GRIA4: variants seen among roughly 807,000 people sequenced by gnomAD.
The protein encoded by GRIA4 is glutamate receptor 4.
A neutral mutation model predicts 104.0 loss-of-function variants in GRIA4; 34 were observed. That is an observed-to-expected ratio of 0.33 (90% CI 0.25 to 0.44). The LOEUF is 0.44. Among genes scored for constraint, GRIA4 ranks in the 20% least tolerant of loss-of-function variants. GRIA4 has a pLI of 1.00. For synonymous variants in GRIA4, 386 were observed against 381.9 expected, an observed-to-expected ratio of 1.01 and a Z score of -0.13; for missense variants, 750 against 1,096.5, an observed-to-expected ratio of 0.68 and a Z score of 4.46.
In GRIA4 at chr11:105,691,663, G is replaced by A. The variant is rs146328976; in HGVS notation, c.248-61318G>A. ...TTAAAAAGTAAAAATGTGGCCAGGC[G>A]CAGTGGTTCACGCCTGTAATCCCAG... is the stretch of plus-strand genomic sequence containing the variant. On this transcript the variant is annotated intron_variant, in intron 3 of 16. Coordinates refer to ENST00000282499, the MANE Select transcript of GRIA4 (RefSeq NM_000829.4). 3.5e-3 allele frequency among the ~76,000 whole-genome samples: 539 copies of A among 152,098 alleles called. 3 individuals carry two copies. The highest frequency in any genetic ancestry group is 0.012 in the African/African-American group (515 of 41,506).
chr11:105,878,437 A>T (rs539029205), intron 5 of GRIA4, among the ~76,000 whole-genome samples: 1 of 152,298 alleles, frequency 6.6e-6, no homozygotes, highest in African/African-American at 2.4e-5. Context: ...GCAGAGCTCA[A>T]GCACTGTGCT....
chr11:105,931,896 C>G (rs889405323), intron 13 of GRIA4, among the ~76,000 whole-genome samples: 1 of 152,034 alleles, frequency 6.6e-6, no homozygotes, highest in Non-Finnish European at 1.5e-5. Context: ...TTTGTCTTTG[C>G]CCAGGTATTC....
At chr11:105,867,468 C>A (rs1175240635) in intron 5 of GRIA4, among the ~76,000 whole-genome samples, 1 of 152,122 alleles carries the variant, frequency 6.6e-6, no homozygotes, top group Non-Finnish European at 1.5e-5. Context: ...CAAATTTTCA[C>A]AACTCTCAAA....
intron 4 of GRIA4, among the ~76,000 whole-genome samples, chr11:105,831,140 G>T (rs1943959257): frequency 6.6e-6 from 1 of 152,048 alleles, no homozygotes; most frequent in Non-Finnish European, 1.5e-5. Flanking sequence ...ACTTGACTGG[G>T]ATAGAATGTC....
intron 3 of GRIA4, among the ~76,000 whole-genome samples, chr11:105,691,211 C>T (rs2135494131): frequency 6.6e-6 from 1 of 152,194 alleles, no homozygotes; most frequent in Non-Finnish European, 1.5e-5. Context: ...AGCCAGGATC[C>T]TGTGGCATAT....
At chr11:105,768,431 C>T (rs1941054174) in intron 4 of GRIA4, among the ~76,000 whole-genome samples, 1 of 151,994 alleles carries the variant, frequency 6.6e-6, no homozygotes, top group African/African-American at 2.4e-5. Flanking sequence ...CATCAAGAAA[C>T]AATCATTTGA....
chr11:105,816,778 G>A (rs746136705), intron 4 of GRIA4, among the ~76,000 whole-genome samples: 9 of 152,042 alleles, frequency 5.9e-5, no homozygotes, highest in South Asian at 2.1e-4. Flanking sequence ...TTGGGAGGCC[G>A]AAGCAGGAGA....
At chr11:105,794,605 T>C (rs2135816517) in intron 4 of GRIA4, among the ~76,000 whole-genome samples, 1 of 144,258 alleles carries the variant, frequency 6.9e-6, no homozygotes, top group South Asian at 2.2e-4. Flanking sequence ...GATATATACA[T>C]ATATATATAT....
intron 3 of GRIA4, among the ~76,000 whole-genome samples, chr11:105,708,196 G>C (rs942496761): frequency 1.3e-5 from 2 of 152,012 alleles, no homozygotes; most frequent in Non-Finnish European, 2.9e-5. Context: ...AATTTTAAAG[G>C]AGTAACAATA....
chr11:105,682,581 T>C (rs889032739), intron 3 of GRIA4, among the ~76,000 whole-genome samples: 4 of 152,222 alleles, frequency 2.6e-5, no homozygotes, highest in African/African-American at 9.6e-5. Context: ...ATTTCTTAGA[T>C]AGAAGTATGG....
intron 7 of GRIA4, 104 bp downstream of exon 7, chr11:105,898,531 G>A: frequency 1.4e-6 from 1 of 709,098 alleles, no homozygotes; most frequent in Non-Finnish European, 2.4e-6. Context: ...ACATAGTATG[G>A]CATGGGAAAA....
At chr11:105,729,669 T>C (rs903782481) in intron 3 of GRIA4, among the ~76,000 whole-genome samples, 1 of 152,216 alleles carries the variant, frequency 6.6e-6, no homozygotes, top group Non-Finnish European at 1.5e-5. Context: ...CTGGATCAAG[T>C]GGGCTTTGTC....
At chr11:105,633,107 T>C (rs1476524864) in intron 3 of GRIA4, among the ~76,000 whole-genome samples, 1 of 152,248 alleles carries the variant, frequency 6.6e-6, no homozygotes, top group Non-Finnish European at 1.5e-5. Flanking sequence ...TGTTTTATTT[T>C]CTGTTACAAG....
At chr11:105,661,695 A>AAG (rs5794417) in intron 3 of GRIA4, among the ~76,000 whole-genome samples, 148,042 of 151,576 alleles carry the variant, frequency 0.98, 72,373 homozygotes, top group Non-Finnish European at 1. Flanking sequence ...CAGAGAGAAA[A>AAG]AGAAGAGGAA....
intron 1 of GRIA4, 194 bp from the exon 2 acceptor site, chr11:105,610,714 C>T: frequency 2.7e-6 from 1 of 377,268 alleles, no homozygotes. Context: ...CCATCTTTTG[C>T]ATGTGCAACA....
At chr11:105,731,809 T>C (rs1301557090) in intron 3 of GRIA4, among the ~76,000 whole-genome samples, 1 of 151,604 alleles carries the variant, frequency 6.6e-6, no homozygotes, top group Non-Finnish European at 1.5e-5. Flanking sequence ...TTCTCACTCA[T>C]AAGTGGGAGT....
At chr11:105,685,020 G>C (rs1001411099) in intron 3 of GRIA4, among the ~76,000 whole-genome samples, 1 of 152,008 alleles carries the variant, frequency 6.6e-6, no homozygotes, top group Admixed American at 6.6e-5. Flanking sequence ...TGGTCTTCTA[G>C]ATAAAAAGGG....
At chr11:105,876,701 T>G (rs1464353541) in intron 5 of GRIA4, among the ~76,000 whole-genome samples, 1 of 152,230 alleles carries the variant, frequency 6.6e-6, no homozygotes, top group East Asian at 1.9e-4. Context: ...TCTTTGTTGA[T>G]TTAAAGCCTG....
chr11:105,933,581 A>G (rs1362630155), intron 13 of GRIA4, 141 bp from the exon 14 acceptor site: 1 of 584,626 alleles, frequency 1.7e-6, no homozygotes, highest in African/African-American at 1.9e-5. Context: ...TAATAATATT[A>G]CTATTATGTT....
Sources: allele counts gnomAD v4.1 joint callset (sites outside exome capture counted in the v4.1 genomes callset), GRCh38; gene constraint gnomAD v4.1.1; transcripts MANE v1.5; gene names NCBI Gene and HGNC (gene_info 2026-07-23, HGNC 2026-07-21).